ADAMTS13: variants seen among roughly 807,000 people sequenced by gnomAD.
The protein encoded by ADAMTS13 is ADAM metallopeptidase with thrombospondin type 1 motif 13, also known as A disintegrin and metalloproteinase with thrombospondin motifs 13.
Under a neutral mutation model 155.1 loss-of-function variants are expected in ADAMTS13, and 110 were observed. The ratio of observed to expected loss-of-function variants is 0.71; its 90% CI spans 0.61 to 0.83. The LOEUF (loss-of-function observed/expected upper bound fraction) is 0.83. Ranked by LOEUF, ADAMTS13 falls within the 40% of genes least tolerant of loss-of-function variation. The pLI is 0.00. For missense variants in ADAMTS13, 1,707 were observed against 1,891.7 expected, an observed-to-expected ratio of 0.90 and a Z score of 1.81; for synonymous variants, 758 against 756.4, an observed-to-expected ratio of 1.00 and a Z score of -0.03.
At position 133,445,189 on chromosome 9, in the gene ADAMTS13, C is replaced by A; in HGVS notation, c.2610+137C>A. The A allele has an allele frequency of 9.8e-7, 1 of 1,017,662 alleles. No homozygotes were observed. The highest frequency in any genetic ancestry group is 1.4e-6 in the Non-Finnish European group (1 of 698,078). The allele number at this position is 1,017,662 out of a possible 1,614,324, so 63.0% of individuals were successfully genotyped here. A position where few individuals can be genotyped will look rare whatever the true frequency, so the allele number is the denominator to read the frequency against. ...TTCTGTGGGAATGCTGTCTGAGGGC[C>A]ACCCCTGCTCAGAAAAGAAGCTTAG... On this transcript the variant is annotated intron_variant, in intron 20 of 28. Transcript: ENST00000355699. This position sits in a 1 kb window ranked among gnomAD's most constrained non-coding sequence, Gnocchi z 5.0.
In ADAMTS13 at chr9:133,456,104, A is replaced by G; in HGVS notation, c.3436A>G (p.Thr1146Ala). The G allele has an allele frequency of 3.1e-6, 5 of 1,613,274 alleles. No homozygotes were observed. The highest frequency in any genetic ancestry group is 4.2e-6 in the Non-Finnish European group (5 of 1,180,022). Residue 1146 changes from threonine (T) to alanine (A), a missense_variant, in exon 26 of 29, where the codon ACC becomes GCC. Around this residue, in one of 3 missense-constraint regions of ADAMTS13, gnomAD observed 961 missense variants for 1,107.9 expected, o/e 0.87. Coordinates refer to ENST00000355699, the MANE Select transcript of ADAMTS13 (RefSeq NM_139027.6). This position sits in a 1 kb window ranked among gnomAD's most constrained non-coding sequence, Gnocchi z 4.4. Reference sequence around the variant, plus strand: ...CAGGCAGCACCTTGAGCCAACAGGAACCATTGACATGCGAGGCCCAGGGCA... The same window carrying G: ...CAGGCAGCACCTTGAGCCAACAGGAGCCATTGACATGCGAGGCCCAGGGCA... ...CGRQHLEPTG[T>A]IDMRGPGQAD...
At chr9:133,451,482 T>A (rs1433602848) in intron 23 of ADAMTS13, among the ~76,000 whole-genome samples, 1 of 152,212 alleles carries the variant, frequency 6.6e-6, no homozygotes, top group East Asian at 1.9e-4. Context: ...GATCTTGAAC[T>A]CCTGACCTCA....
Position 133,448,485 on chromosome 9 carries a change from G to A in ADAMTS13, c.2732-114G>A, listed in dbSNP as rs1047113067. The A allele has an allele frequency of 9.9e-6, 14 of 1,411,244 alleles. No individual in the cohort carries two copies. In the Admixed American group the frequency reaches 1.7e-4, roughly 17 times the overall value. 87.4% of individuals were successfully genotyped at this position (1,411,244 alleles called of 1,614,324 possible). A position where few individuals can be genotyped will look rare whatever the true frequency, so the allele number is the denominator to read the frequency against. On this transcript the variant is annotated intron_variant, in intron 21 of 28. Coordinates refer to ENST00000355699, the MANE Select transcript of ADAMTS13 (RefSeq NM_139027.6). Reference sequence around the variant, plus strand: ...GGTCACACAGCTGGTAAGTGGCAGAGCCGGGATTGAAACCCATGCGGGCCT... The same window carrying A: ...GGTCACACAGCTGGTAAGTGGCAGAACCGGGATTGAAACCCATGCGGGCCT...
intron 19 of ADAMTS13, among the ~76,000 whole-genome samples, chr9:133,444,247 A>G (rs1554791797): frequency 6.6e-6 from 1 of 152,136 alleles, no homozygotes; most frequent in Non-Finnish European, 1.5e-5. Context: ...TGGTGATCCA[A>G]TTCCATGTGG....
At chr9:133,431,548 G>A (rs1478442997) in intron 8 of ADAMTS13, among the ~76,000 whole-genome samples, 1 of 151,988 alleles carries the variant, frequency 6.6e-6, no homozygotes, top group Non-Finnish European at 1.5e-5. Flanking sequence ...GGCTGGTCTC[G>A]AATTCTGACC....
chr9:133,434,478 T>C (rs1166818896), intron 11 of ADAMTS13, among the ~76,000 whole-genome samples: 1 of 152,076 alleles, frequency 6.6e-6, no homozygotes, highest in Admixed American at 6.6e-5. Context: ...GCTAATTTTT[T>C]GTATTTTTAG....
intron 1 of ADAMTS13, among the ~76,000 whole-genome samples, chr9:133,416,766 T>C (rs28478009): frequency 0.11 from 16,830 of 152,302 alleles, 1,007 homozygotes; most frequent in Non-Finnish European, 0.13. Flanking sequence ...TATTTAAACT[T>C]TTCCAGCCTA....
At chr9:133,420,500 T>A (rs1465023443), upstream of ADAMTS13, among the ~76,000 whole-genome samples, 1 of 152,244 alleles carries the variant, frequency 6.6e-6, no homozygotes, top group Admixed American at 6.5e-5. Context: ...CCTGCCCAGG[T>A]TCCCACTTTG....
upstream of ADAMTS13, among the ~76,000 whole-genome samples, chr9:133,417,369 T>A (rs148564716): frequency 1.3e-5 from 2 of 152,384 alleles, no homozygotes; most frequent in Non-Finnish European, 2.9e-5. Context: ...TTCTAGTTAG[T>A]TCATTATGCA....
intron 28 of ADAMTS13, 130 bp downstream of exon 28, chr9:133,458,224 G>T: frequency 9.0e-7 from 1 of 1,115,996 alleles, no homozygotes; most frequent in Non-Finnish European, 1.3e-6. Context: ...AATGGGAGAA[G>T]ATAGCTTCCT....
chr9:133,424,533 T>A lies in ADAMTS13; in HGVS notation c.330+55T>A. 1 of 1,575,220 alleles carries A rather than the reference T, an allele frequency of 6.3e-7. No homozygotes were observed. The highest frequency in any genetic ancestry group is 8.6e-7 in the Non-Finnish European group (1 of 1,160,644). On this transcript the variant is annotated intron_variant, in intron 3 of 28. Coordinates refer to ENST00000355699, the MANE Select transcript of ADAMTS13 (RefSeq NM_139027.6). The surrounding 1 kb of genome is among the most constrained non-coding windows in gnomAD (Gnocchi z 4.3). ...CCCCACGGCCAGGGCTGGTGACCAA[T>A]GTCTGTGGGCTGGTGTATCTGGTAG...
At position 133,459,348 on chromosome 9, in the gene ADAMTS13, C is replaced by G; in HGVS notation, c.*168C>G. 3 of 751,288 alleles carry G rather than the reference C, an allele frequency of 4.0e-6. 1 individual carries two copies. In the South Asian group the frequency reaches 4.4e-5, roughly 11 times the overall value. The allele number at this position is 751,288 out of a possible 1,614,324, so 46.5% of individuals were successfully genotyped here. On this transcript the variant is annotated 3_prime_UTR_variant, in exon 29 of 29. Transcript: ENST00000355699. ...GTGGGGACTCTGGAAAAGCAGCCCC[C>G]ATTTCCTCGGGTACCAATAAATAAA...
chr9:133,420,437 C>T (rs1283881516), upstream of ADAMTS13, among the ~76,000 whole-genome samples: 2 of 152,342 alleles, frequency 1.3e-5, no homozygotes, highest in East Asian at 3.9e-4. Context: ...TACAAAGGTG[C>T]ATTCCAGGGA....
chr9:133,435,769 T>C (rs587604383), intron 11 of ADAMTS13, among the ~76,000 whole-genome samples: 1 of 152,118 alleles, frequency 6.6e-6, no homozygotes, highest in Admixed American at 6.5e-5. Flanking sequence ...CCTGACCTCG[T>C]GATCTGCCTG....
intron 23 of ADAMTS13, among the ~76,000 whole-genome samples, chr9:133,451,703 C>T (rs1554794381): frequency 6.6e-6 from 1 of 152,054 alleles, no homozygotes; most frequent in African/African-American, 2.4e-5. Context: ...CCAGCCTGGA[C>T]AACATGCCAA....
chr9:133,457,886 T>A (rs1554796558), intron 27 of ADAMTS13, 24 bp from the exon 28 acceptor site: 2 of 1,613,510 alleles, frequency 1.2e-6, no homozygotes, highest in Non-Finnish European at 1.7e-6. Flanking sequence ...TCTGGGTTCC[T>A]ATGTCCCTAT....
intron 19 of ADAMTS13, among the ~76,000 whole-genome samples, chr9:133,444,146 G>C (rs1234098187): frequency 6.6e-6 from 1 of 152,152 alleles, no homozygotes; most frequent in Non-Finnish European, 1.5e-5. Flanking sequence ...AGGCCAGATA[G>C]GGCCTCAGAA....
chr9:133,439,532 C>G, intron 15 of ADAMTS13, 86 bp downstream of exon 15: 2 of 1,245,162 alleles, frequency 1.6e-6, no homozygotes, highest in Non-Finnish European at 2.4e-6. Flanking sequence ...CTTCTGACAT[C>G]ACCCGCAAGT....
chr9:133,458,908 G>A (rs1842923930), intron 28 of ADAMTS13, 66 bp from the exon 29 acceptor site: 4 of 1,435,594 alleles, frequency 2.8e-6, no homozygotes, highest in Admixed American at 3.7e-5. Context: ...CCTTGCACAC[G>A]AAGGCTTCCG....
Sources: gnomAD v4.1 joint callset for allele counts (sites outside exome capture counted in the v4.1 genomes callset) on GRCh38, gnomAD v4.1.1 for gene constraint, gnomAD v4.1.1 regional missense constraint, Gnocchi (gnomAD v3.1) non-coding constraint, MANE v1.5 for transcripts, NCBI Gene and HGNC (gene_info 2026-07-23, HGNC 2026-07-21) for gene names.